GLIS3: variants seen among roughly 807,000 people sequenced by gnomAD.
The protein encoded by GLIS3 is GLIS family zinc finger 3, also known as zinc finger protein GLIS3.
A neutral mutation model predicts 78.6 loss-of-function variants in GLIS3; 53 were observed. The observed-to-expected ratio is 0.67, with a 90% CI of 0.54 to 0.85. The LOEUF is 0.85. GLIS3 is among the 40% of genes least tolerant of loss of function. The pLI, the probability that GLIS3 is intolerant of heterozygous loss-of-function variation, is 0.00. For synonymous variants in GLIS3, 684 were observed against 509.9 expected, an observed-to-expected ratio of 1.34 and a Z score of -4.60; for missense variants, 1,703 against 1,231.1, an observed-to-expected ratio of 1.38 and a Z score of -5.74.
chr9:4,108,595 G>C (rs1030813465), intron 4 of GLIS3, among the ~76,000 whole-genome samples: 3 of 152,082 alleles, frequency 2.0e-5, no homozygotes, highest in African/African-American at 7.2e-5. Flanking sequence ...CTAGCCACTG[G>C]GACGAGGGAT....
At chr9:4,214,328 G>A (rs1471245540) in intron 2 of GLIS3, among the ~76,000 whole-genome samples, 1 of 152,220 alleles carries the variant, frequency 6.6e-6, no homozygotes, top group African/African-American at 2.4e-5. Flanking sequence ...GCCCCAGCAG[G>A]CGGAGAATTT....
chr9:4,291,007 T>C (rs1048384163), intron 1 of GLIS3, among the ~76,000 whole-genome samples: 1 of 152,114 alleles, frequency 6.6e-6, no homozygotes, highest in African/African-American at 2.4e-5. Context: ...GACAAATTCA[T>C]AGAATTTGCA....
At chr9:3,828,745 G>T (rs17742098) in intron 10 of GLIS3, among the ~76,000 whole-genome samples, 3,349 of 152,304 alleles carry the variant, frequency 0.022, 97 homozygotes, top group South Asian at 0.03. Flanking sequence ...AAGAAATAGG[G>T]AAAGAACATT....
chr9:3,899,058 A>AT lies in GLIS3; in HGVS notation c.1984-224dup, dbSNP rs1440443144. On this transcript the variant is annotated intron_variant, in intron 6 of 10. Transcript: ENST00000381971. Reference sequence around the variant, plus strand: ...TCTGGAAAAATGTGGCTAGAGGCGGATTTGACTTCAGTCCTTGATATTTCC... The same window carrying AT: ...TCTGGAAAAATGTGGCTAGAGGCGGATTTTGACTTCAGTCCTTGATATTTCC... 8 of 594,452 alleles carry AT rather than the reference A, an allele frequency of 1.3e-5. No homozygotes were observed. In the African/African-American group the frequency reaches 1.5e-4, roughly 11 times the overall value. 36.8% of individuals were successfully genotyped at this position (594,452 alleles called of 1,614,324 possible).
intron 9 of GLIS3, among the ~76,000 whole-genome samples, chr9:3,845,388 C>T (rs1554627661): frequency 6.6e-6 from 1 of 152,074 alleles, no homozygotes; most frequent in Non-Finnish European, 1.5e-5. Flanking sequence ...AGTTATGTCT[C>T]CTTCTATGAG....
intron 2 of GLIS3, among the ~76,000 whole-genome samples, chr9:4,248,734 A>G (rs913534016): frequency 2.8e-4 from 43 of 152,276 alleles, no homozygotes; most frequent in African/African-American, 9.6e-4. Flanking sequence ...ATTTCTCCAC[A>G]TTCTCTCCAG....
chr9:4,417,003 T>C, the GLIS3 span, among the ~76,000 whole-genome samples: 1 of 152,100 alleles, frequency 6.6e-6, no homozygotes, highest in Non-Finnish European at 1.5e-5. Context: ...GTTATCTCTG[T>C]TCCGTTCTTT....
At chr9:4,441,119 C>T in the GLIS3 span, among the ~76,000 whole-genome samples, 3 of 152,244 alleles carry the variant, frequency 2.0e-5, no homozygotes, top group Admixed American at 2.0e-4. Flanking sequence ...TTTACTTCCT[C>T]CTTTCCAATT....
At chr9:4,279,706 CT>C (rs33952503) in intron 2 of GLIS3, among the ~76,000 whole-genome samples, 151,870 of 152,110 alleles carry the variant, frequency 1, 75,816 homozygotes, top group South Asian at 1. Context: ...AGTCGGTTTG[CT>C]TAGCTGTGTG....
intron 4 of GLIS3, among the ~76,000 whole-genome samples, chr9:4,025,730 A>G (rs921663036): frequency 2.0e-5 from 3 of 152,188 alleles, no homozygotes; most frequent in African/African-American, 7.2e-5. Context: ...CATGAGTCTC[A>G]CATAATTATT....
the GLIS3 span, among the ~76,000 whole-genome samples, chr9:4,379,285 T>C: frequency 3.9e-5 from 6 of 152,230 alleles, no homozygotes; most frequent in Admixed American, 1.3e-4. Flanking sequence ...CTTCAGCCTC[T>C]TGAACCTGGT....
At chr9:4,143,952 G>A (rs1834011646) in intron 2 of GLIS3, among the ~76,000 whole-genome samples, 1 of 152,244 alleles carries the variant, frequency 6.6e-6, no homozygotes, top group African/African-American at 2.4e-5. Flanking sequence ...CAGTGAGAAA[G>A]AAAAGAGAAT....
At chr9:4,059,415 C>G (rs935349751) in intron 4 of GLIS3, among the ~76,000 whole-genome samples, 1 of 152,186 alleles carries the variant, frequency 6.6e-6, no homozygotes, top group East Asian at 1.9e-4. Flanking sequence ...AGAAAACTGC[C>G]AGAGTGCCAT....
chr9:4,028,770 T>C (rs1303252273), intron 4 of GLIS3, among the ~76,000 whole-genome samples: 2 of 152,192 alleles, frequency 1.3e-5, no homozygotes, highest in Non-Finnish European at 1.5e-5. Context: ...CAGAACATTT[T>C]ATATGGATTT....
intron 2 of GLIS3, among the ~76,000 whole-genome samples, chr9:4,222,644 T>A (rs1226818990): frequency 6.6e-6 from 1 of 152,096 alleles, no homozygotes; most frequent in Non-Finnish European, 1.5e-5. Flanking sequence ...CAGGCAAGTG[T>A]TTGGATGTGA....
Position 4,160,162 on chromosome 9 carries a change from G to T in GLIS3, c.389-34221C>A, listed in dbSNP as rs200026125. Among the ~76,000 whole-genome samples, 6 of 152,280 alleles carry T rather than the reference G, an allele frequency of 3.9e-5. No homozygotes were observed. The South Asian group carries it at 6.2e-4, about 16-fold the overall frequency. On this transcript the variant is annotated intron_variant, in intron 2 of 10. Transcript: ENST00000381971. ...AGTCCTTCCGAAATTGGTCTATTTTGCCTCCGCTATTTCTTCCTCATTACA... is the reference window on the plus strand; with the variant it reads ...AGTCCTTCCGAAATTGGTCTATTTTTCCTCCGCTATTTCTTCCTCATTACA...
chr9:4,001,684 C>A (rs1056335506), intron 4 of GLIS3, among the ~76,000 whole-genome samples: 3 of 152,186 alleles, frequency 2.0e-5, no homozygotes, highest in African/African-American at 7.2e-5. Context: ...TCTAAGTAAG[C>A]AGTCAGTCAT....
intron 2 of GLIS3, among the ~76,000 whole-genome samples, chr9:4,148,725 A>T (rs1182709146): frequency 6.6e-6 from 1 of 152,154 alleles, no homozygotes; most frequent in Non-Finnish European, 1.5e-5. Context: ...TTGCACAGGT[A>T]GGTGGAGAGA....
intron 2 of GLIS3, among the ~76,000 whole-genome samples, chr9:4,167,855 C>T (rs1478836653): frequency 6.6e-6 from 1 of 152,182 alleles, no homozygotes; most frequent in African/African-American, 2.4e-5. Flanking sequence ...GTGAGTGTTT[C>T]CTATTCCGAA....
Sources: allele counts gnomAD v4.1 joint callset (sites outside exome capture counted in the v4.1 genomes callset), GRCh38; gene constraint gnomAD v4.1.1; transcripts MANE v1.5; gene names NCBI Gene and HGNC (gene_info 2026-07-23, HGNC 2026-07-21).